The following FGD5 variants were observed in gnomAD, a reference collection of about 807,000 sequenced individuals.
FGD5 encodes the protein FYVE, RhoGEF and PH domain containing 5, also known as FYVE, RhoGEF and PH domain-containing protein 5.
FGD5 carries 28 observed loss-of-function variants against 133.4 expected under a neutral mutation model. The observed-to-expected ratio is 0.21, with a 90% CI of 0.16 to 0.29. FGD5 has a LOEUF of 0.29. Ranked by LOEUF, FGD5 falls within the 10% of genes least tolerant of loss-of-function variation. The pLI, the probability that FGD5 is intolerant of heterozygous loss-of-function variation, is 1.00. For synonymous variants in FGD5, 810 were observed against 776.5 expected, an observed-to-expected ratio of 1.04 and a Z score of -0.72; for missense variants, 1,858 against 1,895.2, an observed-to-expected ratio of 0.98 and a Z score of 0.36.
intron 1 of FGD5, among the ~76,000 whole-genome samples, chr3:14,832,964 G>C (rs1048379464): frequency 1.3e-5 from 2 of 152,194 alleles, no homozygotes; most frequent in Non-Finnish European, 2.9e-5. Context: ...GGCTATGCTC[G>C]GGATTGGCCC....
chr3:14,876,916 C>T (rs293917), intron 2 of FGD5, among the ~76,000 whole-genome samples: 6,615 of 152,330 alleles, frequency 0.043, 237 homozygotes, highest in East Asian at 0.15. Flanking sequence ...GGACCCCTCC[C>T]GACCTGCCCG....
At chr3:14,838,459 A>G (rs1370888891) in intron 1 of FGD5, among the ~76,000 whole-genome samples, 1 of 152,126 alleles carries the variant, frequency 6.6e-6, no homozygotes, top group African/African-American at 2.4e-5. Flanking sequence ...GAGGGCTTTG[A>G]TTCTGCCTAT....
At chr3:14,881,040 C>T (rs2037815942) in intron 4 of FGD5, among the ~76,000 whole-genome samples, 1 of 152,090 alleles carries the variant, frequency 6.6e-6, no homozygotes, top group Non-Finnish European at 1.5e-5. Flanking sequence ...TTTCCTTAGC[C>T]CTCTTGCTGA....
At chr3:14,921,419 C>A (rs2038678368) in intron 13 of FGD5, 1 of 164,028 alleles carries the variant, frequency 6.1e-6, no homozygotes, top group Non-Finnish European at 1.3e-5. Flanking sequence ...TGGTGCAGAG[C>A]AGGGACTTGG....
At position 14,819,785 on chromosome 3, in the gene FGD5, C is replaced by T. The variant is rs2036445144; in HGVS notation, c.714C>T (p.Pro238=). 4.5e-6 allele frequency: 7 copies of T among 1,562,320 alleles called. No homozygotes were observed. Among genetic ancestry groups the T allele is most frequent in the South Asian group, 1.2e-5 (1 of 83,946 alleles). Residue 238 remains proline (P), a synonymous_variant, in exon 1 of 20, where the codon CCC becomes CCT. Coordinates refer to ENST00000285046, the MANE Select transcript of FGD5 (RefSeq NM_152536.4). The surrounding 1 kb of genome is among the most constrained non-coding windows in gnomAD (Gnocchi z 4.1). Reference sequence around the variant, plus strand: ...ATGAGGGTTCGGGTCCTGACAGGCCCACGGAGGACATGGGACAGGATGCTG... The same window carrying T: ...ATGAGGGTTCGGGTCCTGACAGGCCTACGGAGGACATGGGACAGGATGCTG... ...GADEGSGPDR[P]TEDMGQDAED... is the part of the protein sequence containing the mutation.
intron 1 of FGD5, among the ~76,000 whole-genome samples, chr3:14,861,909 C>T (rs1235490436): frequency 1.3e-5 from 2 of 152,114 alleles, no homozygotes; most frequent in Admixed American, 6.5e-5. Flanking sequence ...TTGAGATGGT[C>T]ATTATGGCCA....
At chr3:14,857,314 C>T (rs1275403617) in intron 1 of FGD5, among the ~76,000 whole-genome samples, 8 of 152,254 alleles carry the variant, frequency 5.3e-5, no homozygotes, top group Non-Finnish European at 1.0e-4. Context: ...TGAGCCACTA[C>T]ATTCAGCTAA....
At chr3:14,929,717 A>C (rs1264244502) in intron 18 of FGD5, among the ~76,000 whole-genome samples, 2 of 152,194 alleles carry the variant, frequency 1.3e-5, no homozygotes, top group Non-Finnish European at 2.9e-5. Context: ...ACTGTGATTA[A>C]GTTATAGGAT....
chr3:14,927,043 C>T (rs2038816280), intron 18 of FGD5, among the ~76,000 whole-genome samples: 4 of 152,120 alleles, frequency 2.6e-5, no homozygotes, highest in South Asian at 4.2e-4. Context: ...TGAAGGTTGC[C>T]GTGTGCCCAT....
At chr3:14,858,220 A>T (rs1226297815) in intron 1 of FGD5, among the ~76,000 whole-genome samples, 1 of 152,168 alleles carries the variant, frequency 6.6e-6, no homozygotes, top group Non-Finnish European at 1.5e-5. Context: ...TCCATGAAGT[A>T]GAAGCTGAGC....
intron 1 of FGD5, among the ~76,000 whole-genome samples, chr3:14,857,749 T>C (rs1210458066): frequency 6.6e-6 from 1 of 152,164 alleles, no homozygotes; most frequent in East Asian, 1.9e-4. Flanking sequence ...ATTGTTCTGA[T>C]GGGCTATTCT....
At chr3:14,906,500 G>T (rs2038344105) in intron 9 of FGD5, among the ~76,000 whole-genome samples, 1 of 152,244 alleles carries the variant, frequency 6.6e-6, no homozygotes, top group African/African-American at 2.4e-5. Flanking sequence ...TGGAACTGAA[G>T]CCTTGCATGA....
Position 14,891,235 on chromosome 3 carries a change from C to A in FGD5, c.2749-6274C>A, listed in dbSNP as rs115454365. Among the ~76,000 whole-genome samples the A allele has an allele frequency of 1.0e-2, 1,515 of 152,214 alleles. 17 individuals carry two copies. Among genetic ancestry groups the A allele is most frequent in the Non-Finnish European group, 0.016 (1,061 of 67,990 alleles). On this transcript the variant is annotated intron_variant, in intron 4 of 19. Coordinates refer to ENST00000285046, the MANE Select transcript of FGD5 (RefSeq NM_152536.4). ...CTGCCCCAGGTCGGCAGGGAAACCT[C>A]CACCCCAGGCTCAGAATGACCCCAG...
chr3:14,847,982 G>A (rs1315973268), intron 1 of FGD5, among the ~76,000 whole-genome samples: 1 of 152,182 alleles, frequency 6.6e-6, no homozygotes, highest in Non-Finnish European at 1.5e-5. Context: ...GAAGGCCTGA[G>A]GTGTGGAGTG....
chr3:14,910,749 G>C, intron 10 of FGD5, 112 bp from the exon 11 acceptor site: 1 of 906,784 alleles, frequency 1.1e-6, no homozygotes, highest in Non-Finnish European at 1.7e-6. Context: ...GGCCTCCCCT[G>C]CACCCTTGTC....
chr3:14,883,280 T>A (rs1374292586), intron 4 of FGD5, among the ~76,000 whole-genome samples: 1 of 152,168 alleles, frequency 6.6e-6, no homozygotes, highest in Non-Finnish European at 1.5e-5. Context: ...TCACAAAGCT[T>A]AAAATATTTA....
chr3:14,832,237 T>C (rs947595616), intron 1 of FGD5, among the ~76,000 whole-genome samples: 6 of 152,212 alleles, frequency 3.9e-5, no homozygotes, highest in Non-Finnish European at 7.3e-5. Context: ...TACTTTCTGC[T>C]GGGAGCTGAG....
At chr3:14,863,709 C>T (rs776969201) in intron 1 of FGD5, among the ~76,000 whole-genome samples, 1 of 152,346 alleles carries the variant, frequency 6.6e-6, no homozygotes, top group Admixed American at 6.5e-5. Context: ...CTGGAACACA[C>T]GTCCTGGATT....
chr3:14,859,050 A>C (rs758479440), intron 1 of FGD5, among the ~76,000 whole-genome samples: 2 of 152,216 alleles, frequency 1.3e-5, no homozygotes, highest in Non-Finnish European at 2.9e-5. Flanking sequence ...ATTGTATCAT[A>C]CTTGCTCTTT....
Sources: gnomAD v4.1 joint callset for allele counts (sites outside exome capture counted in the v4.1 genomes callset) on GRCh38, gnomAD v4.1.1 for gene constraint, Gnocchi (gnomAD v3.1) non-coding constraint, MANE v1.5 for transcripts, NCBI Gene and HGNC (gene_info 2026-07-23, HGNC 2026-07-21) for gene names.